TWSG1: variants seen among roughly 807,000 people sequenced by gnomAD.
The protein encoded by TWSG1 is twisted gastrulation protein homolog 1.
TWSG1 carries 15 observed loss-of-function variants against 23.0 expected under a neutral mutation model. The ratio of observed to expected loss-of-function variants is 0.65; its 90% confidence interval spans 0.44 to 1.00. The LOEUF (loss-of-function observed/expected upper bound fraction) is 1.00, where lower values mean the gene tolerates loss of function less well. Among genes scored for constraint, TWSG1 ranks in the 50% least tolerant of loss-of-function variants. TWSG1 has a pLI of 0.00. For missense variants in TWSG1, 242 were observed against 278.7 expected, an observed-to-expected ratio of 0.87 and a Z score of 0.94; for synonymous variants, 86 against 92.8, an observed-to-expected ratio of 0.93 and a Z score of 0.42.
intron 3 of TWSG1, among the ~76,000 whole-genome samples, chr18:9,362,602 TGA>T (rs1225658840): frequency 3.9e-5 from 6 of 152,196 alleles, no homozygotes; most frequent in South Asian, 2.1e-4. Context: ...TGTATGTGTG[TGA>T]GAGTGTTTGT....
intron 3 of TWSG1, among the ~76,000 whole-genome samples, chr18:9,370,779 C>T (rs72941932): frequency 0.18 from 27,412 of 152,138 alleles, 2,630 homozygotes; most frequent in South Asian, 0.24. Flanking sequence ...GAATTTTCTT[C>T]AAGAACATTC....
chr18:9,340,179 T>C (rs910288004), intron 2 of TWSG1, among the ~76,000 whole-genome samples: 4 of 151,786 alleles, frequency 2.6e-5, no homozygotes, highest in Non-Finnish European at 4.4e-5. Flanking sequence ...CCATCCTGGC[T>C]AACATGGTGA....
intron 3 of TWSG1, among the ~76,000 whole-genome samples, chr18:9,387,514 C>A (rs1342533423): frequency 6.6e-6 from 1 of 151,954 alleles, no homozygotes; most frequent in African/African-American, 2.4e-5. Flanking sequence ...TGCGTAATCC[C>A]AGCACTTTGG....
intron 3 of TWSG1, among the ~76,000 whole-genome samples, chr18:9,373,358 G>T (rs1186410465): frequency 6.6e-6 from 1 of 151,156 alleles, no homozygotes; most frequent in Non-Finnish European, 1.5e-5. Flanking sequence ...GCGAAACCCT[G>T]TCTCTACCAA....
At position 9,398,812 on chromosome 18, in the gene TWSG1, C is replaced by T. The variant is rs557004756; in HGVS notation, c.491-534C>T. On this transcript the variant is annotated intron_variant, in intron 4 of 4. Coordinates refer to ENST00000262120, the MANE Select transcript of TWSG1 (RefSeq NM_020648.6). ...TTTTAACTTATGGATCTATCATTTTCTACTTAGTTCTGTGGATTCTCTGAT... is the reference window on the plus strand; with the variant it reads ...TTTTAACTTATGGATCTATCATTTTTTACTTAGTTCTGTGGATTCTCTGAT... Among the ~76,000 whole-genome samples the T allele has an allele frequency of 3.9e-5, 6 of 152,108 alleles. No homozygotes were observed. In the East Asian group the frequency reaches 1.2e-3, roughly 29 times the overall value.
intron 3 of TWSG1, among the ~76,000 whole-genome samples, chr18:9,381,865 CCT>C (rs33936747): frequency 0.47 from 71,802 of 151,626 alleles, 17,962 homozygotes; most frequent in East Asian, 0.71. Context: ...TTTACACACC[CCT>C]GTTACTAGCA....
At chr18:9,389,470 A>T (rs1309149093) in intron 3 of TWSG1, among the ~76,000 whole-genome samples, 1 of 152,232 alleles carries the variant, frequency 6.6e-6, no homozygotes, top group Non-Finnish European at 1.5e-5. Flanking sequence ...ATAATATTGG[A>T]CAAGTCATTT....
chr18:9,349,597 T>TA (rs2040492287), intron 2 of TWSG1, among the ~76,000 whole-genome samples: 1 of 152,224 alleles, frequency 6.6e-6, no homozygotes, highest in Admixed American at 6.5e-5. Flanking sequence ...TGTCTTAAGT[T>TA]AAAAATAAAT....
In TWSG1 at chr18:9,396,555, C is replaced by T. The variant is rs956017885; in HGVS notation, c.490+9C>T. 6.2e-7 allele frequency: 1 copy of T among 1,606,864 alleles called. No homozygotes were observed. The highest frequency in any genetic ancestry group is 1.3e-5 in the African/African-American group (1 of 74,978). On this transcript the variant is annotated intron_variant, in intron 4 of 4. Coordinates refer to ENST00000262120, the MANE Select transcript of TWSG1 (RefSeq NM_020648.6). ...TTATTCCAGTGACAAAGGTAACTGC[C>T]AACAGTTGACTTTTTCCATTCCGCC...
chr18:9,358,653 T>G (rs1364247516), intron 2 of TWSG1, among the ~76,000 whole-genome samples: 1 of 152,118 alleles, frequency 6.6e-6, no homozygotes, highest in Non-Finnish European at 1.5e-5. Flanking sequence ...AAGAAAACAC[T>G]TAAAACTTTA....
Position 9,340,611 on chromosome 18 carries a change from A to G in TWSG1, c.123+3259A>G, listed in dbSNP as rs535026639. ...CCAAAAACCAGTGGCTGGAAACAGC[A>G]TTTATTTTGCTCACGAATTTGCATT... On this transcript the variant is annotated intron_variant, in intron 2 of 4. Transcript: ENST00000262120. 3.3e-5 allele frequency among the ~76,000 whole-genome samples: 5 copies of G among 152,202 alleles called. No individual in the cohort carries two copies. In the East Asian group the frequency reaches 7.7e-4, roughly 24 times the overall value.
At chr18:9,360,539 A>G (rs1457250343) in intron 3 of TWSG1, among the ~76,000 whole-genome samples, 1 of 152,126 alleles carries the variant, frequency 6.6e-6, no homozygotes, top group Non-Finnish European at 1.5e-5. Context: ...TGACCAGTTA[A>G]CTCATTTTTA....
At chr18:9,342,097 A>G (rs961889306) in intron 2 of TWSG1, among the ~76,000 whole-genome samples, 2 of 152,114 alleles carry the variant, frequency 1.3e-5, no homozygotes, top group African/African-American at 4.8e-5. Context: ...TTACTTTTAT[A>G]TTGTCAAGGT....
chr18:9,385,675 G>A lies in TWSG1; in HGVS notation c.224-10605G>A, dbSNP rs1302745034. 2.5e-3 allele frequency among the ~76,000 whole-genome samples: 84 copies of A among 33,146 alleles called. 23 individuals carry two copies. Among genetic ancestry groups the A allele is most frequent in the African/African-American group, 0.017 (77 of 4,608 alleles). The allele number at this position is 33,146 out of a possible 152,430, so 21.7% of individuals were successfully genotyped here. ...CTGCAGTCCGCAGTCCGACCTGGGC[G>A]ACAGAGCGAGACTCCGTCTCAAAAA... On this transcript the variant is annotated intron_variant, in intron 3 of 4. Transcript: ENST00000262120.
chr18:9,341,397 A>G (rs1217899001), intron 2 of TWSG1, among the ~76,000 whole-genome samples: 2 of 152,226 alleles, frequency 1.3e-5, no homozygotes, highest in South Asian at 2.1e-4. Flanking sequence ...AAGGCTACAT[A>G]GTGAAAAATT....
At chr18:9,398,082 A>T (rs2040746303) in intron 4 of TWSG1, among the ~76,000 whole-genome samples, 1 of 151,902 alleles carries the variant, frequency 6.6e-6, no homozygotes, top group Non-Finnish European at 1.5e-5. Flanking sequence ...AAGGCAAAAC[A>T]GCTTCTGTTA....
At chr18:9,357,050 T>G (rs546306770) in intron 2 of TWSG1, among the ~76,000 whole-genome samples, 1 of 152,178 alleles carries the variant, frequency 6.6e-6, no homozygotes, top group East Asian at 1.9e-4. Context: ...GAAAATGTTC[T>G]TTTACTCCAA....
At chr18:9,344,414 C>T (rs1352424596) in intron 2 of TWSG1, among the ~76,000 whole-genome samples, 5 of 150,546 alleles carry the variant, frequency 3.3e-5, no homozygotes, top group Non-Finnish European at 7.4e-5. Context: ...ATTGTAGCAC[C>T]TTTGTGGAGT....
At chr18:9,375,598 T>C (rs1237610542) in intron 3 of TWSG1, among the ~76,000 whole-genome samples, 3 of 152,212 alleles carry the variant, frequency 2.0e-5, no homozygotes, top group East Asian at 1.9e-4. Flanking sequence ...CCTGAAAGAA[T>C]TGACCAAAAA....
Sources: allele counts gnomAD v4.1 joint callset (sites outside exome capture counted in the v4.1 genomes callset), GRCh38; gene constraint gnomAD v4.1.1; transcripts MANE v1.5; gene names NCBI Gene and HGNC (gene_info 2026-07-23, HGNC 2026-07-21).